The following ANP32A variants were observed in gnomAD, a reference collection of about 807,000 sequenced individuals.
The protein encoded by ANP32A is acidic leucine-rich nuclear phosphoprotein 32 family member A.
ANP32A carries 1 observed loss-of-function variant against 33.9 expected under a neutral mutation model. That is an observed-to-expected ratio of 0.03 (90% CI 0.01 to 0.14). ANP32A has a LOEUF of 0.14. ANP32A is among the 10% of genes least tolerant of loss of function. The pLI is 1.00. For missense variants in ANP32A, 155 were observed against 306.0 expected, an observed-to-expected ratio of 0.51 and a Z score of 3.68; for synonymous variants, 115 against 120.5, an observed-to-expected ratio of 0.95 and a Z score of 0.30.
chr15:68,803,095 T>C (rs1175359794), intron 1 of ANP32A, among the ~76,000 whole-genome samples: 2 of 152,036 alleles, frequency 1.3e-5, no homozygotes, highest in East Asian at 3.9e-4. Flanking sequence ...TCCCAAAGTG[T>C]CCAGCCTGGA....
At position 68,820,789 on chromosome 15, in the gene ANP32A, C is replaced by A; in HGVS notation, c.-38G>T. ...CTCTCTGCAGAGGCTCCCGCGCCGG[C>A]GGAATTCAATCAATAAACCCCGAAC... is the stretch of plus-strand genomic sequence containing the variant. On this transcript the variant is annotated 5_prime_UTR_variant, in exon 1 of 7. Coordinates refer to ENST00000465139, the MANE Select transcript of ANP32A (RefSeq NM_006305.4). 1.9e-6 allele frequency: 3 copies of A among 1,613,404 alleles called. No homozygotes were observed. The highest frequency in any genetic ancestry group is 8.5e-7 in the Non-Finnish European group (1 of 1,179,440).
At position 68,779,864 on chromosome 15, in the gene ANP32A, A is replaced by T; in HGVS notation, c.*217T>A. ...ACACAAAGAAAAAGTAGGGGAAAAA[A>T]ATAAAGAGTGGCAGTAAAAATAGTA... On this transcript the variant is annotated 3_prime_UTR_variant, in exon 7 of 7. Transcript: ENST00000465139. 3.7e-6 allele frequency: 2 copies of T among 540,156 alleles called. No homozygotes were observed. Among genetic ancestry groups the T allele is most frequent in the Non-Finnish European group, 6.5e-6 (2 of 306,328 alleles). 33.5% of individuals were successfully genotyped at this position (540,156 alleles called of 1,614,324 possible).
At chr15:68,794,848 A>G (rs193206647) in intron 1 of ANP32A, among the ~76,000 whole-genome samples, 1 of 152,308 alleles carries the variant, frequency 6.6e-6, no homozygotes, top group Admixed American at 6.5e-5. Flanking sequence ...TACATTTTAC[A>G]CCGTGGCTCA....
At chr15:68,800,439 GAAA>G (rs34889703) in intron 1 of ANP32A, among the ~76,000 whole-genome samples, 2 of 143,938 alleles carry the variant, frequency 1.4e-5, no homozygotes, top group African/African-American at 2.6e-5. Flanking sequence ...ATGCTGCAAA[GAAA>G]AAAAAAAAAG....
intron 1 of ANP32A, among the ~76,000 whole-genome samples, chr15:68,804,092 G>A (rs915461275): frequency 1.3e-5 from 2 of 152,122 alleles, no homozygotes; most frequent in African/African-American, 4.8e-5. Context: ...GAGCCACTGC[G>A]CCCGGCCCAC....
chr15:68,805,082 G>A (rs924013723), intron 1 of ANP32A, among the ~76,000 whole-genome samples: 2 of 152,152 alleles, frequency 1.3e-5, no homozygotes, highest in Admixed American at 1.3e-4. Context: ...TAAACCCTGG[G>A]GGCCCTGTGA....
At chr15:68,786,654 T>C (rs1455209930) in intron 3 of ANP32A, among the ~76,000 whole-genome samples, 1 of 152,178 alleles carries the variant, frequency 6.6e-6, no homozygotes, top group African/African-American at 2.4e-5. Context: ...CAGTGACACA[T>C]CTTACAGCTG....
chr15:68,818,327 T>TG lies in ANP32A; in HGVS notation c.54+2370dup, dbSNP rs752775194. ...GGGAGAGGTGCCGAAGGTGGGTGTG[T>TG]GGGGGGCCCAGGGGCAGCGCGGCGG... On this transcript the variant is annotated intron_variant, in intron 1 of 6. Coordinates refer to ENST00000465139, the MANE Select transcript of ANP32A (RefSeq NM_006305.4). The TG allele has an allele frequency of 1.7e-4, 36 of 214,220 alleles. 1 individual carries two copies. Among genetic ancestry groups the TG allele is most frequent in the South Asian group, 1.4e-3 (32 of 22,932 alleles). 13.3% of individuals were successfully genotyped at this position (214,220 alleles called of 1,614,324 possible).
chr15:68,780,619 GCAGAGGTTCTTAATTTATTT>G lies in ANP32A; in HGVS notation c.625-166_625-147del. 1 of 1,353,682 alleles carries G rather than the reference GCAGAGGTTCTTAATTTATTT, an allele frequency of 7.4e-7. No homozygotes were observed. Among genetic ancestry groups the G allele is most frequent in the Non-Finnish European group, 9.8e-7 (1 of 1,023,052 alleles). The allele number at this position is 1,353,682 out of a possible 1,614,324, so 83.9% of individuals were successfully genotyped here. On this transcript the variant is annotated intron_variant, in intron 5 of 6. Transcript: ENST00000465139. This position sits in a 1 kb window ranked among gnomAD's most constrained non-coding sequence, Gnocchi z 4.3. ...CTTGACATCTCGGGAGGAATGTAAAGCAGAGGTTCTTAATTTATTTCAGATCAAGGACTCATTGGGAAATC... is the reference window on the plus strand; with the variant it reads ...CTTGACATCTCGGGAGGAATGTAAAGCAGATCAAGGACTCATTGGGAAATC...
At chr15:68,787,966 A>C in intron 1 of ANP32A, 47 bp from the exon 2 acceptor site, 1 of 1,612,330 alleles carries the variant, frequency 6.2e-7, no homozygotes, top group Non-Finnish European at 8.5e-7. Context: ...AATGGGGCTG[A>C]AGCAGGGGGA....
intron 1 of ANP32A, among the ~76,000 whole-genome samples, chr15:68,807,961 C>T (rs1403819803): frequency 1.3e-5 from 2 of 152,138 alleles, no homozygotes; most frequent in Admixed American, 6.5e-5. Context: ...CTGAGATACA[C>T]GTAAATGAAA....
intron 1 of ANP32A, among the ~76,000 whole-genome samples, chr15:68,804,257 G>T (rs11639228): frequency 0.43 from 64,763 of 151,918 alleles, 14,147 homozygotes; most frequent in Middle Eastern, 0.56. Flanking sequence ...CCGGGAGAAG[G>T]TTGGGGGTCA....
rs1893907217 is a variant in ANP32A, at chr15:68,784,386, C to A, written c.526+11G>T. The A allele has an allele frequency of 1.2e-6, 2 of 1,613,194 alleles. No individual in the cohort carries two copies. Among genetic ancestry groups the A allele is most frequent in the African/African-American group, 2.7e-5 (2 of 74,930 alleles). On this transcript the variant is annotated intron_variant, in intron 4 of 6. Coordinates refer to ENST00000465139, the MANE Select transcript of ANP32A (RefSeq NM_006305.4). ...GGCCCCTGCAGCCCTGGGCCGCACC[C>A]TGTCACCCACCATCCTCATCCTCCT...
chr15:68,783,567 A>G (rs1188848821), intron 4 of ANP32A, among the ~76,000 whole-genome samples: 1 of 152,160 alleles, frequency 6.6e-6, no homozygotes, highest in African/African-American at 2.4e-5. Context: ...ATCTTGCAAA[A>G]CACTCCCAAT....
chr15:68,818,210 A>AGGGGC, intron 1 of ANP32A: 1 of 202,566 alleles, frequency 4.9e-6, no homozygotes, highest in Non-Finnish European at 1.0e-5. Flanking sequence ...GCCGGGGAGG[A>AGGGGC]GGGGCGGGGC....
chr15:68,820,674 G>A (rs750627854), intron 1 of ANP32A, 24 bp downstream of exon 1: 3 of 1,561,812 alleles, frequency 1.9e-6, no homozygotes, highest in Non-Finnish European at 2.6e-6. Flanking sequence ...TGGACCGACA[G>A]AGATATTTTT....
rs978048123 is a variant in ANP32A at position 68,779,590 on chromosome 15, G to T, written c.*491C>A. The T allele has an allele frequency of 1.3e-5, 2 of 154,664 alleles. No homozygotes were observed. The highest frequency in any genetic ancestry group is 2.9e-5 in the Non-Finnish European group (2 of 69,652). The allele number at this position is 154,664 out of a possible 1,614,324, so 9.6% of individuals were successfully genotyped here. A position where few individuals can be genotyped will look rare whatever the true frequency, so the allele number is the denominator to read the frequency against. ...TTGCTATTTACAAACCAGGGCGTTG[G>T]ATGCCTCTAGCAGGCCTGAGAAAAG... On this transcript the variant is annotated 3_prime_UTR_variant, in exon 7 of 7. Coordinates refer to ENST00000465139, the MANE Select transcript of ANP32A (RefSeq NM_006305.4).
chr15:68,784,466 T>C lies in ANP32A; in HGVS notation c.457A>G (p.Lys153Glu). 1 of 1,614,144 alleles carries C rather than the reference T, an allele frequency of 6.2e-7. No individual in the cohort carries two copies. The highest frequency in any genetic ancestry group is 1.3e-5 in the African/African-American group (1 of 75,024). ...TYLDGYDRDD[K>E]EAPDSDAEGY... ...TCAGCATCCGAGTCAGGGGCCTCCT[T>C]GTCGTCCCGGTCATAGCCGTCGAGA... Residue 153 changes from lysine (K) to glutamate (E), a missense_variant, in exon 4 of 7, where the codon AAG becomes GAG. Around this residue, in one of 4 missense-constraint regions of ANP32A, gnomAD observed 85 missense variants for 183.8 expected, o/e 0.46. Transcript: ENST00000465139.
intron 3 of ANP32A, among the ~76,000 whole-genome samples, chr15:68,786,002 C>T (rs1429538630): frequency 6.6e-6 from 1 of 152,164 alleles, no homozygotes; most frequent in Non-Finnish European, 1.5e-5. Context: ...CCAATGCCAT[C>T]GATGGACAGG....
Sources: gnomAD v4.1 joint callset for allele counts (sites outside exome capture counted in the v4.1 genomes callset) on GRCh38, gnomAD v4.1.1 for gene constraint, gnomAD v4.1.1 regional missense constraint, Gnocchi (gnomAD v3.1) non-coding constraint, MANE v1.5 for transcripts, NCBI Gene and HGNC (gene_info 2026-07-23, HGNC 2026-07-21) for gene names.